Variants in CHN1 observed in about 807,000 individuals in gnomAD.
The protein encoded by CHN1 is N-chimaerin.
Under a neutral mutation model 59.5 loss-of-function variants are expected in CHN1, and 37 were observed. The ratio of observed to expected loss-of-function variants is 0.62; its 90% confidence interval spans 0.48 to 0.82. The LOEUF (loss-of-function observed/expected upper bound fraction) is 0.82, where lower values mean the gene tolerates loss of function less well. Ranked by LOEUF, CHN1 falls within the 40% of genes least tolerant of loss-of-function variation. The probability of loss-of-function intolerance (pLI) is 0.00; values close to 1 mark genes in which losing one functional copy is unlikely to be tolerated. For missense variants in CHN1, 469 were observed against 571.0 expected, an observed-to-expected ratio of 0.82 and a Z score of 1.82; for synonymous variants, 206 against 200.4, an observed-to-expected ratio of 1.03 and a Z score of -0.24.
chr2:174,882,097 T>G (rs971425914), intron 5 of CHN1, among the ~76,000 whole-genome samples: 2 of 152,254 alleles, frequency 1.3e-5, no homozygotes, highest in African/African-American at 2.4e-5. Flanking sequence ...CCTTGCTTAA[T>G]AGCTGTTTAT....
intron 6 of CHN1, among the ~76,000 whole-genome samples, chr2:174,874,837 G>A (rs957866375): frequency 6.6e-6 from 1 of 150,476 alleles, no homozygotes; most frequent in South Asian, 2.1e-4. Context: ...AAGGCCTATA[G>A]AAAGGATCAG....
chr2:174,819,878 T>A (rs1046368166), intron 8 of CHN1, among the ~76,000 whole-genome samples: 1 of 138,662 alleles, frequency 7.2e-6, no homozygotes, highest in East Asian at 2.2e-4. Flanking sequence ...TGTGTTCTCA[T>A]TGTTCAATTC....
intron 1 of CHN1, among the ~76,000 whole-genome samples, chr2:174,997,620 C>T (rs184007103): frequency 3.3e-4 from 50 of 152,238 alleles, no homozygotes; most frequent in Non-Finnish European, 6.9e-4. Flanking sequence ...TGGACATCCA[C>T]ACCACTCACC....
chr2:174,815,229 TTGG>T (rs1227583910), intron 8 of CHN1, among the ~76,000 whole-genome samples: 2 of 152,050 alleles, frequency 1.3e-5, no homozygotes, highest in Non-Finnish European at 2.9e-5. Context: ...TTTTTAAAAA[TTGG>T]TGGTTGTGGT....
At chr2:174,899,899 G>A (rs1688336113) in intron 5 of CHN1, among the ~76,000 whole-genome samples, 1 of 152,160 alleles carries the variant, frequency 6.6e-6, no homozygotes, top group Admixed American at 6.5e-5. Context: ...AGGCATTAGT[G>A]TTATCTGTTT....
intron 7 of CHN1, among the ~76,000 whole-genome samples, chr2:174,842,953 CAACT>C (rs1352621082): frequency 1.3e-5 from 2 of 152,188 alleles, no homozygotes; most frequent in African/African-American, 4.8e-5. Context: ...TGAAAATCAA[CAACT>C]AATTCAAGAC....
At chr2:174,930,274 A>C (rs141452906) in intron 3 of CHN1, among the ~76,000 whole-genome samples, 1,736 of 152,336 alleles carry the variant, frequency 0.011, 25 homozygotes, top group East Asian at 0.032. Context: ...AGCAAAGTGC[A>C]TGACATAACA....
At chr2:174,882,781 C>T (rs1687775998) in intron 5 of CHN1, among the ~76,000 whole-genome samples, 1 of 152,108 alleles carries the variant, frequency 6.6e-6, no homozygotes. Flanking sequence ...TATAAATATA[C>T]ATTCATTCAA....
chr2:174,990,297 A>C (rs77660624), intron 1 of CHN1, among the ~76,000 whole-genome samples: 1 of 110,054 alleles, frequency 9.1e-6, no homozygotes, highest in Non-Finnish European at 1.8e-5. Context: ...GCGCGAGCGC[A>C]AGAGCAAGAG....
At chr2:174,990,280 A>C (rs1470967038) in intron 1 of CHN1, among the ~76,000 whole-genome samples, 5 of 111,776 alleles carry the variant, frequency 4.5e-5, no homozygotes, top group Admixed American at 1.2e-4. Flanking sequence ...AGAGAGAGAG[A>C]GAGAGAGCGC....
intron 1 of CHN1, 124 bp from the exon 2 acceptor site, chr2:174,952,326 C>T (rs1399319130): frequency 3.7e-6 from 2 of 539,770 alleles, no homozygotes; most frequent in East Asian, 7.2e-5. Context: ...GTGCTAGGCA[C>T]TAAGGGGCAT....
chr2:174,987,888 G>C (rs1691401705), intron 1 of CHN1, among the ~76,000 whole-genome samples: 2 of 152,086 alleles, frequency 1.3e-5, no homozygotes, highest in Non-Finnish European at 2.9e-5. Flanking sequence ...CCTGGTTATT[G>C]ACAGTCAGTT....
chr2:174,863,578 T>C (rs997299911), intron 6 of CHN1, among the ~76,000 whole-genome samples: 3 of 152,106 alleles, frequency 2.0e-5, no homozygotes, highest in African/African-American at 7.2e-5. Context: ...ATAAAATATA[T>C]TTTAATTTCC....
chr2:174,900,715 G>T (rs1467939828), intron 5 of CHN1, among the ~76,000 whole-genome samples: 1 of 151,920 alleles, frequency 6.6e-6, no homozygotes, highest in Non-Finnish European at 1.5e-5. Flanking sequence ...TGAGGCAGGA[G>T]AATCGCTTGA....
intron 5 of CHN1, among the ~76,000 whole-genome samples, chr2:174,914,541 G>A (rs774662645): frequency 9.2e-5 from 14 of 152,058 alleles, no homozygotes; most frequent in Admixed American, 2.0e-4. Context: ...AGCAGCTACC[G>A]CAAAATGCTT....
At chr2:174,960,516 A>G (rs1004653765) in intron 1 of CHN1, among the ~76,000 whole-genome samples, 4 of 152,206 alleles carry the variant, frequency 2.6e-5, no homozygotes, top group African/African-American at 7.2e-5. Context: ...AAGAGCTTTT[A>G]ATATTTATTG....
intron 8 of CHN1, among the ~76,000 whole-genome samples, chr2:174,814,054 T>C (rs568656540): frequency 1.2e-3 from 189 of 152,312 alleles, no homozygotes; most frequent in Non-Finnish European, 2.2e-3. Flanking sequence ...CATTGTTTCA[T>C]TAAATGTGTA....
chr2:175,005,334 C>G lies in CHN1; in HGVS notation c.-422G>C. On this transcript the variant is annotated 5_prime_UTR_variant, in exon 1 of 13. Coordinates refer to ENST00000409900, the MANE Select transcript of CHN1 (RefSeq NM_001822.7). ...CAGCCCCCGGCGGGGCGCGCTCACT[C>G]CGCATCCCGCGGCCTCGCAGACGCC... The G allele has an allele frequency of 2.6e-6, 3 of 1,164,032 alleles. No homozygotes were observed. The highest frequency in any genetic ancestry group is 3.2e-6 in the Non-Finnish European group (3 of 926,354). The allele number at this position is 1,164,032 out of a possible 1,614,324, so 72.1% of individuals were successfully genotyped here. A position where few individuals can be genotyped will look rare whatever the true frequency, so the allele number is the denominator to read the frequency against.
intron 1 of CHN1, among the ~76,000 whole-genome samples, chr2:174,983,247 A>C (rs1238081001): frequency 6.6e-6 from 1 of 152,182 alleles, no homozygotes; most frequent in Non-Finnish European, 1.5e-5. Flanking sequence ...AAATACACTT[A>C]TGCATTGTAT....
Sources: gnomAD v4.1 joint callset for allele counts (sites outside exome capture counted in the v4.1 genomes callset) on GRCh38, gnomAD v4.1.1 for gene constraint, MANE v1.5 for transcripts, NCBI Gene and HGNC (gene_info 2026-07-23, HGNC 2026-07-21) for gene names.